Variants in SKA2 observed in about 807,000 individuals in gnomAD.
SKA2 encodes the protein spindle and kinetochore-associated protein 2.
A neutral mutation model predicts 16.9 loss-of-function variants in SKA2; 13 were observed. That is an observed-to-expected ratio of 0.77 (90% CI 0.50 to 1.22). The LOEUF (loss-of-function observed/expected upper bound fraction) is 1.22. Among genes scored for constraint, SKA2 ranks in the 50% most tolerant of loss-of-function variants. The probability of loss-of-function intolerance (pLI) is 0.00; values close to 1 mark genes in which losing one functional copy is unlikely to be tolerated. For synonymous variants in SKA2, 47 were observed against 48.5 expected (o/e 0.97, Z 0.13); for missense variants, 107 against 139.7 (o/e 0.77, Z 1.18).
intron 1 of SKA2, among the ~76,000 whole-genome samples, chr17:59,152,656 A>T (rs1396672238): frequency 1.3e-5 from 2 of 152,208 alleles, no homozygotes. Flanking sequence ...AGAAGATAGC[A>T]CAGGAATCAT....
At chr17:59,153,633 C>A (rs892648996) in intron 1 of SKA2, among the ~76,000 whole-genome samples, 3 of 152,072 alleles carry the variant, frequency 2.0e-5, no homozygotes, top group African/African-American at 7.3e-5. Flanking sequence ...CCCATCCTTT[C>A]CAAGGAAGAA....
chr17:59,144,673 A>G (rs1396242598), intron 1 of SKA2, among the ~76,000 whole-genome samples: 24 of 152,236 alleles, frequency 1.6e-4, no homozygotes, highest in Admixed American at 1.6e-3. Flanking sequence ...AATAATAAAA[A>G]GACAAATACT....
intron 2 of SKA2, among the ~76,000 whole-genome samples, chr17:59,130,696 T>C (rs568755761): frequency 9.9e-5 from 15 of 152,124 alleles, no homozygotes; most frequent in Admixed American, 7.9e-4. Flanking sequence ...ATAAACATTA[T>C]TGAATTAGTG....
At chr17:59,129,423 C>G (rs974618012) in intron 2 of SKA2, 1 of 148,706 alleles carries the variant, frequency 6.7e-6, no homozygotes, top group Non-Finnish European at 1.5e-5. Context: ...AAAACAGATA[C>G]TACACTTGAT....
intron 3 of SKA2, among the ~76,000 whole-genome samples, chr17:59,112,881 C>G (rs1239132924): frequency 6.6e-6 from 1 of 152,002 alleles, no homozygotes; most frequent in East Asian, 1.9e-4. Context: ...TACAGATGTT[C>G]AGTACAGATA....
chr17:59,154,956 CCGAG>C, intron 1 of SKA2, 171 bp downstream of exon 1: 1 of 1,613,902 alleles, frequency 6.2e-7, no homozygotes, highest in Non-Finnish European at 8.5e-7. Context: ...AACCCCTTAC[CCGAG>C]GCGGTTTAGA....
intron 3 of SKA2, among the ~76,000 whole-genome samples, chr17:59,116,320 C>G (rs997753475): frequency 6.6e-6 from 1 of 152,168 alleles, no homozygotes; most frequent in African/African-American, 2.4e-5. Context: ...TTGCTGTGAG[C>G]CAAGATTGTG....
At chr17:59,115,728 C>T (rs1267008264) in intron 3 of SKA2, among the ~76,000 whole-genome samples, 1 of 152,080 alleles carries the variant, frequency 6.6e-6, no homozygotes, top group African/African-American at 2.4e-5. Flanking sequence ...CAAGTAGCTG[C>T]GACTACAGGT....
chr17:59,151,285 T>G (rs1323166046), intron 1 of SKA2: 3 of 447,936 alleles, frequency 6.7e-6, no homozygotes, highest in African/African-American at 6.2e-5. Flanking sequence ...GAAACGAATT[T>G]AAAGTAGGGT....
chr17:59,134,561 T>C (rs1440002205), intron 1 of SKA2, among the ~76,000 whole-genome samples: 11 of 144,998 alleles, frequency 7.6e-5, no homozygotes. Flanking sequence ...GTAACTTTCC[T>C]TTTTTTTTTT....
intron 1 of SKA2, among the ~76,000 whole-genome samples, chr17:59,141,775 C>G (rs1046154128): frequency 1.3e-5 from 2 of 150,536 alleles, no homozygotes; most frequent in Admixed American, 1.3e-4. Flanking sequence ...AATTATGGCA[C>G]GTGATACCAA....
chr17:59,130,236 CA>C (rs199745540), intron 2 of SKA2, among the ~76,000 whole-genome samples: 1,587 of 150,788 alleles, frequency 0.011, 33 homozygotes, highest in African/African-American at 0.036. Flanking sequence ...CTACCCAATC[CA>C]AAAAAAAATT....
chr17:59,121,791 TACAAAAAA>T (rs2046336052), intron 2 of SKA2, among the ~76,000 whole-genome samples: 1 of 9,908 alleles, frequency 1.0e-4, no homozygotes, highest in Non-Finnish European at 1.7e-4. Context: ...TCTACGAAAA[TACAAAAAA>T]AAAAAAAAAA....
At chr17:59,140,766 A>C (rs1599674682) in intron 1 of SKA2, among the ~76,000 whole-genome samples, 1 of 140,970 alleles carries the variant, frequency 7.1e-6, no homozygotes, top group Non-Finnish European at 1.5e-5. Context: ...GCCCACCACC[A>C]CACCCGCCTA....
chr17:59,145,894 G>GT (rs2046528570), intron 1 of SKA2, among the ~76,000 whole-genome samples: 1 of 151,986 alleles, frequency 6.6e-6, no homozygotes, highest in Non-Finnish European at 1.5e-5. Context: ...TAAGGCTGAG[G>GT]TGGGAGGATC....
At chr17:59,153,455 G>C (rs2046592462) in intron 1 of SKA2, among the ~76,000 whole-genome samples, 1 of 151,906 alleles carries the variant, frequency 6.6e-6, no homozygotes, top group African/African-American at 2.4e-5. Flanking sequence ...ACTGCACAAA[G>C]AAAATTTAAA....
chr17:59,143,673 A>G (rs1208389305), intron 1 of SKA2, among the ~76,000 whole-genome samples: 3 of 151,926 alleles, frequency 2.0e-5, no homozygotes, highest in African/African-American at 7.2e-5. Context: ...TGCTCCTGGC[A>G]TAATTTTTGT....
intron 3 of SKA2, among the ~76,000 whole-genome samples, chr17:59,116,887 G>C (rs1357508429): frequency 1.7e-5 from 2 of 120,172 alleles, no homozygotes; most frequent in Admixed American, 2.2e-4. Context: ...GCAAGATTTT[G>C]GCTCACTGCA....
intron 2 of SKA2, chr17:59,129,451 G>C (rs1209474471): frequency 6.6e-6 from 1 of 151,286 alleles, no homozygotes; most frequent in African/African-American, 2.4e-5. Context: ...AAAAGGCTGA[G>C]AAGAAATATC....
Sources: gnomAD v4.1 joint callset for allele counts (sites outside exome capture counted in the v4.1 genomes callset) on GRCh38, gnomAD v4.1.1 for gene constraint, MANE v1.5 for transcripts, NCBI Gene and HGNC (gene_info 2026-07-23, HGNC 2026-07-21) for gene names.